Variants in IFT52 observed in about 807,000 individuals in gnomAD.
IFT52 encodes intraflagellar transport 52.
In IFT52, 44 loss-of-function variants were observed where a neutral mutation model predicts 54.4. The observed-to-expected ratio is 0.81, with a 90% CI of 0.63 to 1.04. The LOEUF is 1.04. IFT52 is among the 50% of genes least tolerant of loss of function. The pLI is 0.00. For missense variants in IFT52, 452 were observed against 523.6 expected (o/e 0.86, Z 1.33); for synonymous variants, 181 against 185.3 (o/e 0.98, Z 0.19).
In IFT52 at chr20:43,647,060, T is replaced by G. The variant is rs374597558; in HGVS notation, c.*77T>G. On this transcript the variant is annotated 3_prime_UTR_variant, in exon 14 of 14. Coordinates refer to ENST00000373030, the MANE Select transcript of IFT52 (RefSeq NM_016004.5). ...TATTTTCAAATTGTTTTTCAACTCC[T>G]TATCAAAATTGTTTATACACTCTTT... The G allele has an allele frequency of 4.5e-5, 59 of 1,296,984 alleles. No homozygotes were observed. The African/African-American group carries it at 6.1e-4, about 13-fold the overall frequency. The allele number at this position is 1,296,984 out of a possible 1,614,324, so 80.3% of individuals were successfully genotyped here.
chr20:43,637,084 G>A, intron 11 of IFT52, 61 bp from the exon 12 acceptor site: 1 of 1,161,590 alleles, frequency 8.6e-7, no homozygotes, highest in Non-Finnish European at 1.3e-6. Flanking sequence ...TTTCTTGAGA[G>A]ACTTTATTTC....
chr20:43,622,665 T>C (rs1047871526), intron 9 of IFT52, among the ~76,000 whole-genome samples: 2 of 147,498 alleles, frequency 1.4e-5, no homozygotes, highest in African/African-American at 4.9e-5. Context: ...ATTTTATATG[T>C]AAATATAAAT....
At chr20:43,632,634 G>A (rs1401160760) in intron 10 of IFT52, among the ~76,000 whole-genome samples, 2 of 152,136 alleles carry the variant, frequency 1.3e-5, no homozygotes, top group African/African-American at 4.8e-5. Context: ...TTCCGTGATG[G>A]CCTGCCTTGG....
chr20:43,617,098 T>C (rs1444107877), intron 7 of IFT52, among the ~76,000 whole-genome samples: 1 of 152,166 alleles, frequency 6.6e-6, no homozygotes, highest in East Asian at 1.9e-4. Flanking sequence ...GAAAACCCTT[T>C]ATAATATGAA....
At chr20:43,614,360 G>T (rs139612070) in intron 7 of IFT52, among the ~76,000 whole-genome samples, 1 of 151,168 alleles carries the variant, frequency 6.6e-6, no homozygotes, top group East Asian at 2.0e-4. Context: ...TCAGCCTCCC[G>T]AGTAGCTAAG....
Position 43,602,502 on chromosome 20 carries a change from TG to T in IFT52, c.208-1257del, listed in dbSNP as rs568241378. On this transcript the variant is annotated intron_variant, in intron 3 of 13. Coordinates refer to ENST00000373030, the MANE Select transcript of IFT52 (RefSeq NM_016004.5). Reference sequence around the variant, plus strand: ...AAATAATTCATTTTTTATTTTGTTTTGTTTTTTTGTTGTGTTTCGTTTTTGA... The same window carrying T: ...AAATAATTCATTTTTTATTTTGTTTTTTTTTTTGTTGTGTTTCGTTTTTGA... Among the ~76,000 whole-genome samples, 475 of 152,182 alleles carry T rather than the reference TG, an allele frequency of 3.1e-3. 2 individuals carry two copies. The highest frequency in any genetic ancestry group is 0.011 in the African/African-American group (453 of 41,526).
At chr20:43,637,277 T>C in intron 12 of IFT52, 24 bp downstream of exon 12, 2 of 1,388,140 alleles carry the variant, frequency 1.4e-6, no homozygotes, top group African/African-American at 1.5e-5. Flanking sequence ...ACTTTTTTTT[T>C]TTGAGACAGA....
At chr20:43,640,443 G>A (rs1335657289) in intron 12 of IFT52, among the ~76,000 whole-genome samples, 1 of 152,094 alleles carries the variant, frequency 6.6e-6, no homozygotes, top group African/African-American at 2.4e-5. Context: ...CTGGGTGACA[G>A]AGTGGGACTC....
chr20:43,603,681 C>T (rs1982626713), intron 3 of IFT52, 79 bp from the exon 4 acceptor site: 2 of 1,262,162 alleles, frequency 1.6e-6, no homozygotes, highest in African/African-American at 3.0e-5. Flanking sequence ...TATTTTTCAT[C>T]TAGTTAAGGT....
At chr20:43,607,670 GC>G (rs1983054675) in intron 6 of IFT52, among the ~76,000 whole-genome samples, 1 of 148,448 alleles carries the variant, frequency 6.7e-6, no homozygotes, top group African/African-American at 2.5e-5. Flanking sequence ...AGACTGGGCA[GC>G]CAGGCAGAGG....
chr20:43,621,688 CCTGACCTCAAGTGATCCACCTGT>C (rs1984313068), intron 9 of IFT52, among the ~76,000 whole-genome samples: 1 of 152,188 alleles, frequency 6.6e-6, no homozygotes, highest in Non-Finnish European at 1.5e-5. Flanking sequence ...GTCTCAAACT[CCTGACCTCAAGTGATCCACCTGT>C]CTCAGCTTCC....
intron 9 of IFT52, 66 bp downstream of exon 9, chr20:43,620,991 A>C: frequency 1.7e-4 from 188 of 1,121,806 alleles, no homozygotes; most frequent in Non-Finnish European, 2.3e-4. Flanking sequence ...ACCACTTCTC[A>C]CAGCTCAAAA....
At chr20:43,601,754 A>G (rs57405369) in intron 3 of IFT52, among the ~76,000 whole-genome samples, 4,452 of 152,310 alleles carry the variant, frequency 0.029, 227 homozygotes, top group African/African-American at 0.092. Context: ...AACATAGCAT[A>G]TATTTAGGGC....
intron 10 of IFT52, among the ~76,000 whole-genome samples, chr20:43,633,771 G>C (rs907681587): frequency 6.6e-6 from 1 of 152,008 alleles, no homozygotes; most frequent in Non-Finnish European, 1.5e-5. Flanking sequence ...CCAATCAAAA[G>C]AAAATTTAAG....
chr20:43,596,703 A>G (rs969850661), intron 3 of IFT52, among the ~76,000 whole-genome samples, 181 bp downstream of exon 3: 4 of 148,962 alleles, frequency 2.7e-5, no homozygotes, highest in African/African-American at 9.9e-5. Flanking sequence ...TACCAAACAC[A>G]TAGTGTGGGC....
At chr20:43,604,650 T>A (rs1269249203) in intron 5 of IFT52, among the ~76,000 whole-genome samples, 1 of 152,196 alleles carries the variant, frequency 6.6e-6, no homozygotes. Flanking sequence ...TCGTCTCTTC[T>A]CATACATTCT....
intron 10 of IFT52, among the ~76,000 whole-genome samples, chr20:43,628,177 C>T (rs1015064884): frequency 6.6e-6 from 1 of 152,084 alleles, no homozygotes; most frequent in Non-Finnish European, 1.5e-5. Flanking sequence ...GATCCACCCG[C>T]CTCAGCCTCC....
At chr20:43,617,573 A>C (rs1430901281) in intron 7 of IFT52, among the ~76,000 whole-genome samples, 2 of 151,514 alleles carry the variant, frequency 1.3e-5, no homozygotes, top group African/African-American at 4.9e-5. Context: ...CTTCCTGAGT[A>C]GTTGGGATTA....
chr20:43,639,276 G>A (rs1985752154), intron 12 of IFT52, among the ~76,000 whole-genome samples: 1 of 150,186 alleles, frequency 6.7e-6, no homozygotes, highest in Non-Finnish European at 1.5e-5. Flanking sequence ...GGTGGATCAT[G>A]CCTATAATCT....
Sources: gnomAD v4.1 joint callset for allele counts (sites outside exome capture counted in the v4.1 genomes callset) on GRCh38, gnomAD v4.1.1 for gene constraint, MANE v1.5 for transcripts, NCBI Gene and HGNC (gene_info 2026-07-23, HGNC 2026-07-21) for gene names.